SSUH2: variants seen among roughly 807,000 people sequenced by gnomAD.
The protein encoded by SSUH2 is protein SSUH2 homolog.
A neutral mutation model predicts 55.3 loss-of-function variants in SSUH2; 47 were observed. The observed-to-expected ratio is 0.85, with a 90% CI of 0.67 to 1.08. The LOEUF (loss-of-function observed/expected upper bound fraction) is 1.08. Among genes scored for constraint, SSUH2 ranks in the 50% least tolerant of loss-of-function variants. The probability of loss-of-function intolerance (pLI) is 0.00; values close to 1 mark genes in which losing one functional copy is unlikely to be tolerated. For synonymous variants in SSUH2, 212 were observed against 191.5 expected (o/e 1.11, Z -0.89); for missense variants, 535 against 490.7 (o/e 1.09, Z -0.85).
chr3:8,675,638 C>A (rs1705159749), intron 3 of SSUH2, among the ~76,000 whole-genome samples: 1 of 152,148 alleles, frequency 6.6e-6, no homozygotes, highest in Non-Finnish European at 1.5e-5. Flanking sequence ...AGTCTAAGAG[C>A]AGAAGTCAGG....
rs552961397 is a variant in SSUH2, at chr3:8,679,065, C to T, written c.-901+640G>A. ...ACCAAACGCAGGGGAGGAAGCACCC[C>T]CCGCGAGGCGGGGACTGAGAGCAAG... On this transcript the variant is annotated intron_variant, in intron 2 of 18. Transcript: ENST00000317371. Among the ~76,000 whole-genome samples, 6 of 109,444 alleles carry T rather than the reference C, an allele frequency of 5.5e-5. 1 individual carries two copies. The highest frequency in any genetic ancestry group is 1.8e-4 in the Admixed American group (2 of 11,254). 71.8% of individuals were successfully genotyped at this position (109,444 alleles called of 152,430 possible).
At chr3:8,645,806 C>T (rs1701609323), upstream of SSUH2, among the ~76,000 whole-genome samples, 5 of 152,212 alleles carry the variant, frequency 3.3e-5, no homozygotes, top group South Asian at 1.0e-3. Flanking sequence ...AGATGGCTCC[C>T]AGCTGCTCCA....
At chr3:8,620,096 C>T in intron 11 of SSUH2, 82 bp from the exon 12 acceptor site, 1 of 1,496,866 alleles carries the variant, frequency 6.7e-7, no homozygotes, top group Admixed American at 1.9e-5. Context: ...TAGCTCCCTA[C>T]TGTGTGTGGT....
intron 3 of SSUH2, among the ~76,000 whole-genome samples, chr3:8,674,849 G>A (rs1286018330): frequency 6.9e-6 from 1 of 145,812 alleles, no homozygotes; most frequent in Non-Finnish European, 1.5e-5. Flanking sequence ...GACAAGCTCT[G>A]GCCAAGCGGT....
chr3:8,620,013 C>A lies in SSUH2; in HGVS notation c.983G>T (p.Arg328Leu). Residue 328 changes from arginine (R) to leucine (L), a missense_variant and splice_region_variant, in exon 12 of 12, where the codon CGC (arginine) becomes CTC (leucine). Coordinates refer to ENST00000544814, the MANE Select transcript of SSUH2 (RefSeq NM_001256748.3). ...GAGGGGGATCAGCTCAATGGTCTGG[C>A]GCTGAGGAAACAAATAGCCAAGGAA... ...LASRARVLQQ[R>L]QTIELIPLTE... The A allele has an allele frequency of 6.2e-7, 1 of 1,613,680 alleles. No individual in the cohort carries two copies. The highest frequency in any genetic ancestry group is 8.5e-7 in the Non-Finnish European group (1 of 1,179,786).
intron 1 of SSUH2, among the ~76,000 whole-genome samples, chr3:8,642,033 T>A (rs1200838982): frequency 6.6e-6 from 1 of 152,120 alleles, no homozygotes; most frequent in African/African-American, 2.4e-5. Flanking sequence ...CAGGAACTCA[T>A]GCCCAGGAGT....
chr3:8,656,464 TC>T (rs1222377016), intron 7 of SSUH2, among the ~76,000 whole-genome samples: 2 of 152,178 alleles, frequency 1.3e-5, no homozygotes, highest in African/African-American at 4.8e-5. Flanking sequence ...ATTCTTGGAC[TC>T]TCAGCCCCTC....
intron 7 of SSUH2, among the ~76,000 whole-genome samples, chr3:8,650,545 T>C (rs1039058239): frequency 1.2e-4 from 19 of 152,202 alleles, no homozygotes; most frequent in African/African-American, 4.1e-4. Context: ...GGGAAACTGA[T>C]AGAAGAAAAA....
Position 8,679,172 on chromosome 3 carries a change from TG to T in SSUH2, c.-901+532del, listed in dbSNP as rs1471562995. Reference sequence around the variant, plus strand: ...GAGGCGGGGACTGAGAGGCAGCCGCTGTTCCCCCACACTGGCTCTTGGGACC... The same window carrying T: ...GAGGCGGGGACTGAGAGGCAGCCGCTTTCCCCCACACTGGCTCTTGGGACC... On this transcript the variant is annotated intron_variant, in intron 2 of 18. Transcript: ENST00000317371. Among the ~76,000 whole-genome samples, 2 of 7,280 alleles carry T rather than the reference TG, an allele frequency of 2.7e-4. 1 individual carries two copies. Among genetic ancestry groups the T allele is most frequent in the Non-Finnish European group, 6.5e-4 (2 of 3,072 alleles). 4.8% of individuals were successfully genotyped at this position (7,280 alleles called of 152,430 possible).
chr3:8,659,589 G>C, intron 6 of SSUH2: 1 of 338,224 alleles, frequency 3.0e-6, no homozygotes, highest in South Asian at 2.4e-5. Context: ...TTTCCAGCTG[G>C]GTTGGAAGAA....
In SSUH2 at chr3:8,625,615, T is replaced by A. The variant is rs758425019; in HGVS notation, c.800A>T (p.His267Leu). The change falls in exon 10 of 12, where the codon CAC (histidine) becomes CTC (leucine). Residue 267 changes from histidine to leucine, a missense_variant. His to Leu is a moderately conservative substitution (Grantham distance 99). Coordinates refer to ENST00000544814, the MANE Select transcript of SSUH2 (RefSeq NM_001256748.3). ...GAGCTCCCTGGGGCAGTTGAGCCGG[T>A]GCTCAGACACAAACTCAAACAAGCT... ...KNSLFEFVSE[H>L]RLNCPRELLA... 1.2e-6 allele frequency: 2 copies of A among 1,613,980 alleles called. No homozygotes were observed. Among genetic ancestry groups the A allele is most frequent in the Non-Finnish European group, 1.7e-6 (2 of 1,179,908 alleles).
chr3:8,637,594 G>C (rs1308078664), intron 1 of SSUH2, among the ~76,000 whole-genome samples: 3 of 152,196 alleles, frequency 2.0e-5, no homozygotes, highest in Non-Finnish European at 4.4e-5. Flanking sequence ...GGTCCCAGAG[G>C]CCTCTGAAAC....
chr3:8,669,816 C>T lies in SSUH2; in HGVS notation c.-455+1182G>A, dbSNP rs1158690863. 2.0e-5 allele frequency among the ~76,000 whole-genome samples: 3 copies of T among 152,174 alleles called. 1 individual carries two copies. The highest frequency in any genetic ancestry group is 4.4e-5 in the Non-Finnish European group (3 of 68,040). ...TGCCTGACCTGTACTCTTCAAGACT[C>T]TCAGGGTCATAAAAGGACAAGTACA... On this transcript the variant is annotated intron_variant, in intron 5 of 18. Transcript: ENST00000317371.
intron 9 of SSUH2, 42 bp downstream of exon 9, chr3:8,626,187 A>G: frequency 1.3e-6 from 2 of 1,543,046 alleles, no homozygotes; most frequent in South Asian, 2.3e-5. Context: ...TAAGTCCCTC[A>G]GCCACCCCCG....
chr3:8,635,560 G>C (rs947733235), intron 2 of SSUH2, among the ~76,000 whole-genome samples, 179 bp from the exon 3 acceptor site: 1 of 152,258 alleles, frequency 6.6e-6, no homozygotes, highest in Non-Finnish European at 1.5e-5. Context: ...AGTGGGACCT[G>C]TCGCAGTCAT....
chr3:8,629,633 C>CTGACTCACCAGTTGTTCACAGA, intron 7 of SSUH2, 31 bp downstream of exon 7: 5 of 1,587,726 alleles, frequency 3.1e-6, no homozygotes, highest in Non-Finnish European at 4.3e-6. Context: ...CACACCCTCA[C>CTGACTCACCAGTTGTTCACAGA]TGACTCACCA....
intron 7 of SSUH2, among the ~76,000 whole-genome samples, chr3:8,655,885 A>G (rs1217820448): frequency 1.3e-5 from 2 of 152,220 alleles, no homozygotes; most frequent in African/African-American, 4.8e-5. Flanking sequence ...TCCTAAGTTC[A>G]GAATGCTGGG....
At chr3:8,639,055 C>T (rs986184707) in intron 1 of SSUH2, among the ~76,000 whole-genome samples, 2 of 152,190 alleles carry the variant, frequency 1.3e-5, no homozygotes, top group African/African-American at 4.8e-5. Context: ...AAATTAATCT[C>T]GCCATTCTGT....
rs143863748 is a variant in SSUH2, at chr3:8,634,970, C to G, written c.209+330G>C. On this transcript the variant is annotated intron_variant, in intron 3 of 11. Transcript: ENST00000544814. ...TTACTCAGCTCTGGAGTAAAAGCTG[C>G]CAGAGACAATACACAGCCAATTGAG... Among the ~76,000 whole-genome samples the G allele has an allele frequency of 1.0e-3, 156 of 152,294 alleles. 2 individuals carry two copies. The South Asian group carries it at 0.014, about 14-fold the overall frequency.
Sources: gnomAD v4.1 joint callset for allele counts (sites outside exome capture counted in the v4.1 genomes callset) on GRCh38, gnomAD v4.1.1 for gene constraint, MANE v1.5 for transcripts, NCBI Gene and HGNC (gene_info 2026-07-23, HGNC 2026-07-21) for gene names.